Variants in SIM1 observed in about 807,000 individuals in gnomAD.
The protein encoded by SIM1 is SIM bHLH transcription factor 1.
SIM1 carries 18 observed loss-of-function variants against 78.2 expected under a neutral mutation model. The ratio of observed to expected loss-of-function variants is 0.23; its 90% confidence interval spans 0.16 to 0.34. The LOEUF is 0.34. Among genes scored for constraint, SIM1 ranks in the 10% least tolerant of loss-of-function variants. SIM1 has a pLI of 1.00. For synonymous variants in SIM1, 417 were observed against 385.2 expected (o/e 1.08, Z -0.97); for missense variants, 939 against 975.1 (o/e 0.96, Z 0.49).
chr6:100,410,454 A>C (rs1771164475), intron 10 of SIM1, among the ~76,000 whole-genome samples: 1 of 152,140 alleles, frequency 6.6e-6, no homozygotes, highest in African/African-American at 2.4e-5. Flanking sequence ...ACCACACTAC[A>C]CTATGGAATT....
chr6:100,461,245 C>T (rs1444929475), intron 2 of SIM1, among the ~76,000 whole-genome samples: 1 of 152,154 alleles, frequency 6.6e-6, no homozygotes, highest in African/African-American at 2.4e-5. Flanking sequence ...TTATTTATAA[C>T]GAGACTTATA....
At chr6:100,415,476 T>C (rs537155959) in intron 10 of SIM1, among the ~76,000 whole-genome samples, 25 of 152,340 alleles carry the variant, frequency 1.6e-4, no homozygotes, top group Admixed American at 4.6e-4. Flanking sequence ...GCAGAATCTT[T>C]GGAAATTAAC....
intron 9 of SIM1, among the ~76,000 whole-genome samples, chr6:100,439,940 C>T (rs1303180954): frequency 1.3e-5 from 2 of 152,124 alleles, no homozygotes; most frequent in Non-Finnish European, 2.9e-5. Flanking sequence ...GAAATCACCA[C>T]ACACAAAGAG....
intron 9 of SIM1, among the ~76,000 whole-genome samples, chr6:100,433,371 G>C (rs1382135650): frequency 1.3e-5 from 2 of 151,958 alleles, no homozygotes; most frequent in Admixed American, 1.3e-4. Context: ...CCACCTCAGG[G>C]CCTTTGCATT....
At chr6:100,436,068 CTACT>C (rs1772041479) in intron 9 of SIM1, among the ~76,000 whole-genome samples, 1 of 152,072 alleles carries the variant, frequency 6.6e-6, no homozygotes, top group Admixed American at 6.6e-5. Flanking sequence ...TCCTCCCTAC[CTACT>C]ATCTAGCCAG....
chr6:100,393,965 A>C, intron 10 of SIM1, 76 bp from the exon 11 acceptor site: 1 of 1,443,418 alleles, frequency 6.9e-7, no homozygotes, highest in South Asian at 1.4e-5. Context: ...AACAAAAAAC[A>C]GCCTTTATTT....
intron 6 of SIM1, 143 bp downstream of exon 6, chr6:100,449,220 G>C (rs748414691): frequency 1.2e-4 from 76 of 645,852 alleles, no homozygotes; most frequent in Non-Finnish European, 1.9e-4. Flanking sequence ...CCCTCGTGGA[G>C]AGTCCTGGCC....
At chr6:100,426,659 G>T (rs1376174605) in intron 9 of SIM1, among the ~76,000 whole-genome samples, 1 of 152,216 alleles carries the variant, frequency 6.6e-6, no homozygotes, top group Non-Finnish European at 1.5e-5. Flanking sequence ...ACAATTTCAA[G>T]TGAGTTTGAA....
rs541759816 is a variant in SIM1 at position 100,419,389 on chromosome 6, CT to C, written c.1167+1400del. On this transcript the variant is annotated intron_variant, in intron 10 of 11. Transcript: ENST00000369208. ...GAGGCAGAGACCATGTTGTGCTCAT[CT>C]TCATACAACAAGCCACTAAAATAAT... 3.3e-5 allele frequency among the ~76,000 whole-genome samples: 5 copies of C among 152,288 alleles called. No homozygotes were observed. In the East Asian group the frequency reaches 9.7e-4, roughly 29 times the overall value.
rs983209201 is a variant in SIM1, at chr6:100,385,996, C to T, written c.*4365G>A. On this transcript the variant is annotated 3_prime_UTR_variant, in exon 12 of 12. Coordinates refer to ENST00000369208, the MANE Select transcript of SIM1 (RefSeq NM_005068.3). ...CATTCATTTAAAATTTAGATGATAA[C>T]GAATGTTTTATCCACAATTAGTTCC... 5.3e-5 allele frequency: 8 copies of T among 151,888 alleles called. No individual in the cohort carries two copies. Among genetic ancestry groups the T allele is most frequent in the Admixed American group, 3.9e-4 (6 of 15,242 alleles). The allele number at this position is 151,888 out of a possible 1,614,324, so 9.4% of individuals were successfully genotyped here.
intron 10 of SIM1, among the ~76,000 whole-genome samples, chr6:100,395,210 G>A (rs1316201953): frequency 6.6e-6 from 1 of 152,150 alleles, no homozygotes; most frequent in Non-Finnish European, 1.5e-5. Context: ...CTATGATAAT[G>A]ATGGGTGCCA....
intron 10 of SIM1, among the ~76,000 whole-genome samples, chr6:100,416,086 A>G (rs1241937523): frequency 6.6e-6 from 1 of 152,160 alleles, no homozygotes; most frequent in Non-Finnish European, 1.5e-5. Flanking sequence ...AAGCAGTCCA[A>G]TCCTCTAATA....
At chr6:100,446,493 C>T (rs1772359650) in intron 9 of SIM1, among the ~76,000 whole-genome samples, 1 of 152,242 alleles carries the variant, frequency 6.6e-6, no homozygotes, top group Non-Finnish European at 1.5e-5. Context: ...CTTCCACAAA[C>T]ATTGTACAGA....
At chr6:100,431,181 A>G (rs1771890941) in intron 9 of SIM1, among the ~76,000 whole-genome samples, 1 of 152,232 alleles carries the variant, frequency 6.6e-6, no homozygotes, top group African/African-American at 2.4e-5. Flanking sequence ...CAAATGCACA[A>G]ATCTTCATTT....
chr6:100,460,947 T>C (rs914284749), intron 2 of SIM1, among the ~76,000 whole-genome samples: 1 of 152,166 alleles, frequency 6.6e-6, no homozygotes, highest in African/African-American at 2.4e-5. Context: ...GGGTGGAGGC[T>C]GAGGGTGAGT....
intron 10 of SIM1, among the ~76,000 whole-genome samples, chr6:100,412,892 G>T (rs1391839879): frequency 1.3e-5 from 2 of 152,136 alleles, no homozygotes; most frequent in East Asian, 3.9e-4. Context: ...TACACCAGGA[G>T]TTTATTAACT....
At chr6:100,448,282 G>A in intron 7 of SIM1, 30 bp from the exon 8 acceptor site, 1 of 1,563,374 alleles carries the variant, frequency 6.4e-7, no homozygotes, top group South Asian at 1.1e-5. Context: ...CAGGATGAAT[G>A]CAGGCGCGGG....
At chr6:100,456,813 C>T (rs1468082319) in intron 2 of SIM1, among the ~76,000 whole-genome samples, 1 of 152,198 alleles carries the variant, frequency 6.6e-6, no homozygotes, top group Non-Finnish European at 1.5e-5. Flanking sequence ...CTTTACCCTC[C>T]GTGCTTAGTT....
Position 100,450,368 on chromosome 6 carries a change from C to A in SIM1, c.259-12G>T. The A allele has an allele frequency of 6.2e-7, 1 of 1,612,574 alleles. No individual in the cohort carries two copies. The highest frequency in any genetic ancestry group is 8.5e-7 in the Non-Finnish European group (1 of 1,178,988). On this transcript the variant is annotated splice_polypyrimidine_tract_variant and intron_variant, in intron 3 of 11. Coordinates refer to ENST00000369208, the MANE Select transcript of SIM1 (RefSeq NM_005068.3). Reference sequence around the variant, plus strand: ...AAGCCATCCAGGGTCTGGGGAGGCACAAATAGAGAGAATAGAGAGCCCTCT... The same window carrying A: ...AAGCCATCCAGGGTCTGGGGAGGCAAAAATAGAGAGAATAGAGAGCCCTCT...
Sources: allele counts gnomAD v4.1 joint callset (sites outside exome capture counted in the v4.1 genomes callset), GRCh38; gene constraint gnomAD v4.1.1; transcripts MANE v1.5; gene names NCBI Gene and HGNC (gene_info 2026-07-23, HGNC 2026-07-21).